PSMD6: variants seen among roughly 807,000 people sequenced by gnomAD.
PSMD6 encodes 26S proteasome non-ATPase regulatory subunit 6.
Under a neutral mutation model 44.9 loss-of-function variants are expected in PSMD6, and 7 were observed. The observed-to-expected ratio is 0.16, with a 90% CI of 0.09 to 0.29. The LOEUF (loss-of-function observed/expected upper bound fraction) is 0.29. Among genes scored for constraint, PSMD6 ranks in the 10% least tolerant of loss-of-function variants. The pLI, the probability that PSMD6 is intolerant of heterozygous loss-of-function variation, is 1.00. For missense variants in PSMD6, 420 were observed against 482.6 expected (o/e 0.87, Z 1.21); for synonymous variants, 184 against 172.7 (o/e 1.07, Z -0.51).
At chr3:64,015,081 T>C (rs2076021204) in intron 5 of PSMD6, 2 of 152,196 alleles carry the variant, frequency 1.3e-5, no homozygotes, top group African/African-American at 2.4e-5. Flanking sequence ...TGGAGATCAA[T>C]GGCCACTAAC....
At chr3:64,019,267 G>A (rs73834182) in intron 3 of PSMD6, 29 bp downstream of exon 3, 28,720 of 1,543,846 alleles carry the variant, frequency 0.019, 320 homozygotes, top group African/African-American at 0.047. Context: ...ATAATTTAGA[G>A]AAAATATAAT....
chr3:64,021,082 A>G (rs573345551), intron 2 of PSMD6, among the ~76,000 whole-genome samples: 1 of 152,352 alleles, frequency 6.6e-6, no homozygotes, highest in East Asian at 1.9e-4. Flanking sequence ...AGAAGAAAAA[A>G]AAAAACTGTT....
intron 2 of PSMD6, chr3:64,019,839 G>A (rs746118024): frequency 1.5e-4 from 24 of 157,974 alleles, no homozygotes; most frequent in Admixed American, 3.2e-4. Flanking sequence ...ATTAGAATAT[G>A]ACTAAATTTG....
chr3:64,018,771 CAAAA>C (rs763478200), intron 4 of PSMD6, 43 bp downstream of exon 4: 3 of 1,522,780 alleles, frequency 2.0e-6, no homozygotes, highest in African/African-American at 1.4e-5. Context: ...TGTATTTAAA[CAAAA>C]AAAACAAGTC....
rs548398285 is a variant in PSMD6, at chr3:64,015,806, C to T, written c.827-2199G>A. 1.4e-4 allele frequency: 22 copies of T among 152,262 alleles called. No homozygotes were observed. The South Asian group carries it at 4.6e-3, about 32-fold the overall frequency. The allele number at this position is 152,262 out of a possible 1,614,324, so 9.4% of individuals were successfully genotyped here. A position where few individuals can be genotyped will look rare whatever the true frequency, so the allele number is the denominator to read the frequency against. ...ATCAGATATTAAAGAAAGCCTTTTT[C>T]TTCTTTATATGATACTGTTTACAAC... On this transcript the variant is annotated intron_variant, in intron 5 of 7. Coordinates refer to ENST00000295901, the MANE Select transcript of PSMD6 (RefSeq NM_014814.3).
intron 6 of PSMD6, chr3:64,011,168 CAGAT>C (rs376191619): frequency 2.0e-4 from 84 of 426,940 alleles, no homozygotes; most frequent in African/African-American, 1.5e-3. Flanking sequence ...AGTTCATATT[CAGAT>C]AGATAGAAAG....
chr3:64,022,567 C>A (rs773642047), intron 1 of PSMD6, 44 bp from the exon 2 acceptor site: 1 of 1,609,110 alleles, frequency 6.2e-7, no homozygotes, highest in Admixed American at 1.7e-5. Flanking sequence ...ACACTTGTGC[C>A]CTCAAGTCAA....
At position 64,010,949 on chromosome 3, in the gene PSMD6, C is replaced by G. The variant is rs764953093; in HGVS notation, c.1002G>C (p.Leu334=). The G allele has an allele frequency of 5.0e-6, 8 of 1,598,760 alleles. No individual in the cohort carries two copies. The Admixed American group carries it at 1.0e-4, about 21-fold the overall frequency. Residue 334 remains leucine, a synonymous_variant, in exon 7 of 8, where the codon CTG becomes CTC. Transcript: ENST00000295901. ...GTCTCCCGGCAGCAATAAACCTGGA[C>G]AGTTCCCTAATTTAGAGACAAAAAA... is the stretch of plus-strand genomic sequence containing the variant. ...GVGVEFIDQE[L]SRFIAAGRLH...
At chr3:64,014,363 G>GAGAC (rs2076011313) in intron 5 of PSMD6, 1 of 152,016 alleles carries the variant, frequency 6.6e-6, no homozygotes, top group Non-Finnish European at 1.5e-5. Flanking sequence ...TCAAAGGGCA[G>GAGAC]AGACAGATGA....
rs1486595382 is a variant in PSMD6, at chr3:64,010,666, C to G, written c.*2G>C. The G allele has an allele frequency of 1.9e-6, 3 of 1,569,222 alleles. No individual in the cohort carries two copies. The highest frequency in any genetic ancestry group is 2.7e-5 in the African/African-American group (2 of 73,536). On this transcript the variant is annotated 3_prime_UTR_variant, in exon 8 of 8. Coordinates refer to ENST00000295901, the MANE Select transcript of PSMD6 (RefSeq NM_014814.3). ...AGCAAATCCTTTGTTAGTTACATGG[C>G]TTTACATATTAATTACTCTGGAAAG...
chr3:64,020,804 C>T (rs2076116915), intron 2 of PSMD6, among the ~76,000 whole-genome samples: 1 of 152,102 alleles, frequency 6.6e-6, no homozygotes, highest in Admixed American at 6.6e-5. Context: ...TCATAATTAC[C>T]GAGGTTGAAA....
chr3:64,022,368 G>T lies in PSMD6; in HGVS notation c.301C>A (p.Arg101Ser). The change falls in exon 2 of 8, where the codon CGC becomes AGC. Residue 101 changes from arginine to serine, a missense_variant. Arg to Ser is a moderately radical substitution (Grantham distance 110, BLOSUM62 -1). This residue lies in a region of PSMD6 where 5 missense variants were observed against 19.3 expected (regional missense o/e 0.26). Transcript: ENST00000295901. ...TCGGCCTTTGCCATCATTGCATCGC[G>T]AATTTCGCTCTCTCCTAGATTCTTC... is the stretch of plus-strand genomic sequence containing the variant. ...AEKNLGESEI[R>S]DAMMAKAEYL... 1.2e-6 allele frequency: 2 copies of T among 1,614,172 alleles called. No homozygotes were observed. The highest frequency in any genetic ancestry group is 1.7e-6 in the Non-Finnish European group (2 of 1,180,032).
At position 64,022,529 on chromosome 3, in the gene PSMD6, A is replaced by G. The variant is rs751366792; in HGVS notation, c.146-6T>C. 3.7e-6 allele frequency: 6 copies of G among 1,613,378 alleles called. No homozygotes were observed. In the South Asian group the frequency reaches 6.6e-5, roughly 18 times the overall value. On this transcript the variant is annotated splice_polypyrimidine_tract_variant and splice_region_variant and intron_variant, in intron 1 of 7. Transcript: ENST00000295901. ...TTCATAGTAAGGAGCCATGTCTAAC[A>G]TGCAAAAAGAGGGATGTGTGAGTGG... is the stretch of plus-strand genomic sequence containing the variant.
intron 6 of PSMD6, 64 bp downstream of exon 6, chr3:64,013,375 C>T: frequency 2.1e-6 from 3 of 1,417,212 alleles, no homozygotes; most frequent in Non-Finnish European, 2.8e-6. Context: ...AAAAATTGTA[C>T]AAGTTCACAT....
chr3:64,023,617 G>C (rs561963464), upstream of PSMD6: 26 of 1,415,462 alleles, frequency 1.8e-5, 1 homozygote, highest in South Asian at 8.0e-5. Context: ...GTGTGGTCAC[G>C]GGGGCTTTTC....
chr3:64,021,714 G>C (rs2076135572), intron 2 of PSMD6, among the ~76,000 whole-genome samples: 1 of 151,942 alleles, frequency 6.6e-6, no homozygotes, highest in Non-Finnish European at 1.5e-5. Flanking sequence ...GGGAGGCTGA[G>C]GGAGGAGAAT....
intron 5 of PSMD6, chr3:64,017,579 A>G (rs1181404565): frequency 6.6e-6 from 1 of 152,236 alleles, no homozygotes; most frequent in Non-Finnish European, 1.5e-5. Flanking sequence ...CAAAAGCAAC[A>G]TAACTGTGTG....
chr3:64,022,571 A>C (rs1401190136), intron 1 of PSMD6, 48 bp from the exon 2 acceptor site: 2 of 1,607,286 alleles, frequency 1.2e-6, no homozygotes, highest in African/African-American at 2.7e-5. Context: ...TTGTGCCCTC[A>C]AGTCAAAGTC....
chr3:64,010,671 C>CATATT lies in PSMD6; in HGVS notation c.1162_1166dup (p.Met389IlefsTer7), dbSNP rs1185269889. ...ATCCTTTGTTAGTTACATGGCTTTACATATTAATTACTCTGGAAAGTTTTT... is the reference window on the plus strand; with the variant it reads ...ATCCTTTGTTAGTTACATGGCTTTACATATTATATTAATTACTCTGGAAAGTTTTT... On this transcript the variant is annotated frameshift_variant, in exon 8 of 8. Coordinates refer to ENST00000295901, the MANE Select transcript of PSMD6 (RefSeq NM_014814.3). LOFTEE classifies it high-confidence loss of function. The CATATT allele has an allele frequency of 6.3e-7, 1 of 1,578,090 alleles. No homozygotes were observed. Among genetic ancestry groups the CATATT allele is most frequent in the Admixed American group, 1.7e-5 (1 of 58,648 alleles).
Sources: gnomAD v4.1 joint callset for allele counts (sites outside exome capture counted in the v4.1 genomes callset) on GRCh38, gnomAD v4.1.1 for gene constraint, gnomAD v4.1.1 regional missense constraint, MANE v1.5 for transcripts, NCBI Gene and HGNC (gene_info 2026-07-23, HGNC 2026-07-21) for gene names.